ZNF843: variants seen among roughly 807,000 people sequenced by gnomAD.
ZNF843 encodes the protein zinc finger protein 843.
For synonymous variants in ZNF843, 185 were observed against 207.7 expected (o/e 0.89, Z 0.94); for missense variants, 482 against 469.4 (o/e 1.03, Z -0.25).
Position 31,436,958 on chromosome 16 carries a change from G to T in ZNF843, c.-109C>A. The stretch of plus-strand genomic sequence containing the variant: ...GCACTCAGGCTTCCCGTGGCCACGA[G>T]CTCACAGTCTGGGAGCAGCACCCGG... On this transcript the variant is annotated 5_prime_UTR_variant, in exon 2 of 2. Transcript: ENST00000315678. 9.0e-7 allele frequency: 1 copy of T among 1,107,496 alleles called. No homozygotes were observed. The highest frequency in any genetic ancestry group is 1.3e-6 in the Non-Finnish European group (1 of 787,498). 68.6% of individuals were successfully genotyped at this position (1,107,496 alleles called of 1,614,324 possible). A position where few individuals can be genotyped will look rare whatever the true frequency, so the allele number is the denominator to read the frequency against.
In ZNF843 at chr16:31,436,746, C is replaced by G; in HGVS notation, c.104G>C (p.Cys35Ser). ...AGTAAAACCCCTCCCGCAGGCCTTG[C>G]ACTTGCAGGGCTGACGGCCCTGGGT... ...RFTQGRQPCK[C>S]KACGRGFTQS... Residue 35 changes from cysteine (C) to serine (S), a missense_variant, in exon 2 of 2, where the codon TGC (cysteine) becomes TCC (serine). Transcript: ENST00000315678. 6.4e-7 allele frequency: 1 copy of G among 1,551,772 alleles called. No individual in the cohort carries two copies. The highest frequency in any genetic ancestry group is 2.4e-5 in the East Asian group (1 of 40,928).
Position 31,435,886 on chromosome 16 carries a change from A to C in ZNF843, c.964T>G (p.Ser322Ala). 6.5e-7 allele frequency: 1 copy of C among 1,540,622 alleles called. No homozygotes were observed. Among genetic ancestry groups the C allele is most frequent in the East Asian group, 2.5e-5 (1 of 40,740 alleles). ...AGGGCTCCTCTCCAGTGTGGGTTCG[A>C]GGGCGGTGGAGGAGCTCGGCACTGT... is the stretch of plus-strand genomic sequence containing the variant. ...QRQCRAPPPP[S>A]NPHWRGALPV... Residue 322 changes from serine to alanine, a missense_variant, in exon 2 of 2, where the codon TCG becomes GCG. By Grantham distance (99) the Ser-to-Ala change is moderately conservative. Coordinates refer to ENST00000315678, the MANE Select transcript of ZNF843 (RefSeq NM_001136509.3).
intron 1 of ZNF843, among the ~76,000 whole-genome samples, chr16:31,437,620 T>G: frequency 1.5e-5 from 1 of 68,828 alleles, no homozygotes; most frequent in Non-Finnish European, 2.9e-5. Context: ...ATAATCAATG[T>G]TTTTTTTTTT....
chr16:31,441,698 G>A (rs1161152407), intron 1 of ZNF843, among the ~76,000 whole-genome samples: 1 of 151,586 alleles, frequency 6.6e-6, no homozygotes, highest in Admixed American at 6.6e-5. Flanking sequence ...TGTTGCCTAC[G>A]CTACTCTCCA....
At chr16:31,437,996 G>T (rs1249012786) in intron 1 of ZNF843, among the ~76,000 whole-genome samples, 2 of 152,048 alleles carry the variant, frequency 1.3e-5, no homozygotes, top group African/African-American at 4.8e-5. Context: ...CAGTAGTCTT[G>T]GATATTACCA....
In ZNF843 at chr16:31,436,868, G is replaced by T; in HGVS notation, c.-19C>A. Reference sequence around the variant, plus strand: ...TTCTCATGAGCAGGGCTTCGGAGATGACCGCTCAGGGAGTAACTGTACGGG... The same window carrying T: ...TTCTCATGAGCAGGGCTTCGGAGATTACCGCTCAGGGAGTAACTGTACGGG... On this transcript the variant is annotated 5_prime_UTR_variant, in exon 2 of 2. Coordinates refer to ENST00000315678, the MANE Select transcript of ZNF843 (RefSeq NM_001136509.3). 1 of 1,508,990 alleles carries T rather than the reference G, an allele frequency of 6.6e-7. No individual in the cohort carries two copies. The highest frequency in any genetic ancestry group is 1.3e-5 in the South Asian group (1 of 76,706). The allele number at this position is 1,508,990 out of a possible 1,614,324, so 93.5% of individuals were successfully genotyped here.
At position 31,435,603 on chromosome 16, in the gene ZNF843, TC is replaced by T; in HGVS notation, c.*199del. ...CCGCCCGCAGCCGCACCTGCCTAAA[TC>T]CCTTAATGTATAAGGGAAAGGAGCG... On this transcript the variant is annotated 3_prime_UTR_variant, in exon 2 of 2. Coordinates refer to ENST00000315678, the MANE Select transcript of ZNF843 (RefSeq NM_001136509.3). 1 of 483,048 alleles carries T rather than the reference TC, an allele frequency of 2.1e-6. No individual in the cohort carries two copies. Among genetic ancestry groups the T allele is most frequent in the East Asian group, 3.4e-5 (1 of 29,144 alleles). The allele number at this position is 483,048 out of a possible 1,614,324, so 29.9% of individuals were successfully genotyped here. A position where few individuals can be genotyped will look rare whatever the true frequency, so the allele number is the denominator to read the frequency against.
chr16:31,442,278 C>T (rs2082203934), intron 1 of ZNF843, among the ~76,000 whole-genome samples: 1 of 152,092 alleles, frequency 6.6e-6, no homozygotes, highest in Non-Finnish European at 1.5e-5. Context: ...GGCGGTGGGC[C>T]CGGGCTGCGG....
In ZNF843 at chr16:31,436,084, C is replaced by T; in HGVS notation, c.766G>A (p.Ala256Thr). 1.3e-6 allele frequency: 2 copies of T among 1,549,948 alleles called. No individual in the cohort carries two copies. Among genetic ancestry groups the T allele is most frequent in the Non-Finnish European group, 1.7e-6 (2 of 1,146,338 alleles). Residue 256 changes from alanine to threonine, a missense_variant, in exon 2 of 2, where the codon GCC (alanine) becomes ACC (threonine). Transcript: ENST00000315678. ...GGLEVAQVPP[A>T]TQPAAQQEGA... is the part of the protein sequence containing the mutation. ...TCCTGCTGAGCTGCCGGCTGGGTGG[C>T]TGGCGGAACCTGGGCAACTTCCAGG...
At chr16:31,441,134 T>A (rs2082199912) in intron 1 of ZNF843, among the ~76,000 whole-genome samples, 1 of 152,158 alleles carries the variant, frequency 6.6e-6, no homozygotes. Context: ...TGCTTACTGT[T>A]TTCACAGCAT....
Position 31,436,869 on chromosome 16 carries a change from A to G in ZNF843, c.-20T>C. On this transcript the variant is annotated 5_prime_UTR_variant, in exon 2 of 2. Coordinates refer to ENST00000315678, the MANE Select transcript of ZNF843 (RefSeq NM_001136509.3). The stretch of plus-strand genomic sequence containing the variant: ...TCTCATGAGCAGGGCTTCGGAGATG[A>G]CCGCTCAGGGAGTAACTGTACGGGA... The G allele has an allele frequency of 6.6e-7, 1 of 1,508,410 alleles. No homozygotes were observed. 93.4% of individuals were successfully genotyped at this position (1,508,410 alleles called of 1,614,324 possible).
At chr16:31,437,511 G>T (rs1227652297) in intron 1 of ZNF843, among the ~76,000 whole-genome samples, 2 of 142,396 alleles carry the variant, frequency 1.4e-5, no homozygotes, top group Non-Finnish European at 1.5e-5. Context: ...TTATCATGTT[G>T]CCCAAGCTGC....
In ZNF843 at chr16:31,442,301, T is replaced by TTTTATTTA. The variant is rs144027321; in HGVS notation, c.-336+327_-336+334dup. On this transcript the variant is annotated intron_variant, in intron 1 of 1. Transcript: ENST00000315678. ...GCCCGGGCTGCGGCCCTTCGCTCGA[T>TTTTATTTA]TTTATTTATTTATTTATTTATTTAT... Among the ~76,000 whole-genome samples, 560 of 149,632 alleles carry TTTTATTTA rather than the reference T, an allele frequency of 3.7e-3. 2 individuals are homozygous for TTTTATTTA. The highest frequency in any genetic ancestry group is 0.012 in the African/African-American group (471 of 40,786).
rs573034431 is a variant in ZNF843 at position 31,437,785 on chromosome 16, C to T, written c.-335-601G>A. 2.8e-4 allele frequency among the ~76,000 whole-genome samples: 43 copies of T among 151,672 alleles called. No homozygotes were observed. In the South Asian group the frequency reaches 4.2e-3, roughly 15 times the overall value. On this transcript the variant is annotated intron_variant, in intron 1 of 1. Transcript: ENST00000315678. Reference sequence around the variant, plus strand: ...GATTACAGGCGCCTGCCACCATTGCCGGCTAATTTTTTTTTGTATTTTAGT... The same window carrying T: ...GATTACAGGCGCCTGCCACCATTGCTGGCTAATTTTTTTTTGTATTTTAGT...
Position 31,435,611 on chromosome 16 carries a change from T to G in ZNF843, c.*192A>C, listed in dbSNP as rs1247706845. The G allele has an allele frequency of 8.0e-6, 4 of 503,088 alleles. No homozygotes were observed. In the East Asian group the frequency reaches 1.4e-4, roughly 17 times the overall value. The allele number at this position is 503,088 out of a possible 1,614,324, so 31.2% of individuals were successfully genotyped here. A position where few individuals can be genotyped will look rare whatever the true frequency, so the allele number is the denominator to read the frequency against. Reference sequence around the variant, plus strand: ...AGCCGCACCTGCCTAAATCCCTTAATGTATAAGGGAAAGGAGCGAGAATTC... The same window carrying G: ...AGCCGCACCTGCCTAAATCCCTTAAGGTATAAGGGAAAGGAGCGAGAATTC... On this transcript the variant is annotated 3_prime_UTR_variant, in exon 2 of 2. Coordinates refer to ENST00000315678, the MANE Select transcript of ZNF843 (RefSeq NM_001136509.3).
Position 31,435,671 on chromosome 16 carries a change from C to G in ZNF843, c.*132G>C, listed in dbSNP as rs2082175957. On this transcript the variant is annotated 3_prime_UTR_variant, in exon 2 of 2. Transcript: ENST00000315678. Reference sequence around the variant, plus strand: ...AAAACAAACAAAATAGCCCCCAGCACTTCTGAGAAAGATCTGCCATACAGA... The same window carrying G: ...AAAACAAACAAAATAGCCCCCAGCAGTTCTGAGAAAGATCTGCCATACAGA... 1 of 860,642 alleles carries G rather than the reference C, an allele frequency of 1.2e-6. No homozygotes were observed. The highest frequency in any genetic ancestry group is 2.7e-5 in the South Asian group (1 of 37,132). 53.3% of individuals were successfully genotyped at this position (860,642 alleles called of 1,614,324 possible).
chr16:31,435,678 G>T lies in ZNF843; in HGVS notation c.*125C>A. The T allele has an allele frequency of 1.1e-6, 1 of 913,208 alleles. No homozygotes were observed. The highest frequency in any genetic ancestry group is 1.5e-6 in the Non-Finnish European group (1 of 647,298). 56.6% of individuals were successfully genotyped at this position (913,208 alleles called of 1,614,324 possible). On this transcript the variant is annotated 3_prime_UTR_variant, in exon 2 of 2. Coordinates refer to ENST00000315678, the MANE Select transcript of ZNF843 (RefSeq NM_001136509.3). ...ACAAAATAGCCCCCAGCACTTCTGA[G>T]AAAGATCTGCCATACAGAAAAGCCG...
intron 1 of ZNF843, among the ~76,000 whole-genome samples, chr16:31,442,112 T>G (rs2082203053): frequency 6.6e-6 from 1 of 152,138 alleles, no homozygotes; most frequent in South Asian, 2.1e-4. Context: ...AGCAGGAGAA[T>G]GGAGGGTGGA....
chr16:31,435,984 G>A lies in ZNF843; in HGVS notation c.866C>T (p.Pro289Leu). Residue 289 changes from proline (P) to leucine (L), a missense_variant, in exon 2 of 2, where the codon CCT becomes CTT. Transcript: ENST00000315678. The part of the protein sequence containing the change: ...SREAVQAPGY[P>L]EPARKASQHR... ...CTGCGAGGCCTTCCGGGCTGGCTCA[G>A]GGTAGCCTGGGGCCTGAACCGCCTC... 3.3e-6 allele frequency: 5 copies of A among 1,524,158 alleles called. No individual in the cohort carries two copies. The highest frequency in any genetic ancestry group is 4.4e-6 in the Non-Finnish European group (5 of 1,132,344). 94.4% of individuals were successfully genotyped at this position (1,524,158 alleles called of 1,614,324 possible).
Sources: gnomAD v4.1 joint callset for allele counts (sites outside exome capture counted in the v4.1 genomes callset) on GRCh38, gnomAD v4.1.1 for gene constraint, MANE v1.5 for transcripts, NCBI Gene and HGNC (gene_info 2026-07-23, HGNC 2026-07-21) for gene names.